PEBP4: variants seen among roughly 807,000 people sequenced by gnomAD.
PEBP4 encodes phosphatidylethanolamine binding protein 4, also known as phosphatidylethanolamine-binding protein 4.
PEBP4 carries 22 observed loss-of-function variants against 23.9 expected under a neutral mutation model. The ratio of observed to expected loss-of-function variants is 0.92; its 90% CI spans 0.66 to 1.31. PEBP4 has a LOEUF of 1.31. Ranked by LOEUF, PEBP4 falls within the 40% of genes most tolerant of loss-of-function variation. The pLI is 0.00. For missense variants in PEBP4, 324 were observed against 281.7 expected, an observed-to-expected ratio of 1.15 and a Z score of -1.07; for synonymous variants, 112 against 99.3, an observed-to-expected ratio of 1.13 and a Z score of -0.76.
At chr8:22,856,581 G>C (rs1402613792) in intron 3 of PEBP4, among the ~76,000 whole-genome samples, 1 of 152,174 alleles carries the variant, frequency 6.6e-6, no homozygotes, top group African/African-American at 2.4e-5. Flanking sequence ...GCCAGGCGTA[G>C]TGGTGCATGC....
rs148314012 is a variant in PEBP4 at position 22,758,994 on chromosome 8, C to T, written c.358-31774G>A. On this transcript the variant is annotated intron_variant, in intron 4 of 6. Coordinates refer to ENST00000256404, the MANE Select transcript of PEBP4 (RefSeq NM_144962.3). ...GGAAGCCAGGGGAGGGGAGGACCATCTGCAGGGAGGGGGCGAGGGTGGGAG... is the reference window on the plus strand; with the variant it reads ...GGAAGCCAGGGGAGGGGAGGACCATTTGCAGGGAGGGGGCGAGGGTGGGAG... Among the ~76,000 whole-genome samples, 764 of 150,078 alleles carry T rather than the reference C, an allele frequency of 5.1e-3. 10 individuals carry two copies. The highest frequency in any genetic ancestry group is 0.018 in the African/African-American group (737 of 40,874).
At chr8:22,912,144 T>C (rs1808951109) in intron 3 of PEBP4, among the ~76,000 whole-genome samples, 1 of 152,112 alleles carries the variant, frequency 6.6e-6, no homozygotes, top group African/African-American at 2.4e-5. Context: ...GGAGTGAAGA[T>C]TAAGACTGGG....
chr8:22,780,815 A>G (rs564476642), intron 4 of PEBP4, among the ~76,000 whole-genome samples: 41 of 152,284 alleles, frequency 2.7e-4, no homozygotes, highest in African/African-American at 8.7e-4. Context: ...AGGATGAGAA[A>G]GTCTCTAGGG....
At position 22,795,184 on chromosome 8, in the gene PEBP4, T is replaced by A. The variant is rs1318378563; in HGVS notation, c.357+22453A>T. Among the ~76,000 whole-genome samples, 240 of 109,778 alleles carry A rather than the reference T, an allele frequency of 2.2e-3. 7 individuals carry two copies. Among genetic ancestry groups the A allele is most frequent in the African/African-American group, 7.2e-3 (207 of 28,708 alleles). The allele number at this position is 109,778 out of a possible 152,430, so 72.0% of individuals were successfully genotyped here. A position where few individuals can be genotyped will look rare whatever the true frequency, so the allele number is the denominator to read the frequency against. On this transcript the variant is annotated intron_variant, in intron 4 of 6. Transcript: ENST00000256404. ...ATATATTTTTTTTTTTTTTTTTTTT[T>A]TTTTTTTTTGAGATGGAGTCTCGCT...
intron 3 of PEBP4, among the ~76,000 whole-genome samples, chr8:22,854,703 C>G (rs1012204111): frequency 1.3e-5 from 2 of 152,016 alleles, no homozygotes; most frequent in African/African-American, 2.4e-5. Context: ...TGTGCATTGA[C>G]GTAATTACCA....
At chr8:22,771,147 C>G (rs1349213134) in intron 4 of PEBP4, among the ~76,000 whole-genome samples, 1 of 152,158 alleles carries the variant, frequency 6.6e-6, no homozygotes. Context: ...TGATAAATAC[C>G]TGCAGGTTAG....
intron 3 of PEBP4, among the ~76,000 whole-genome samples, chr8:22,905,834 C>T (rs139240367): frequency 3.9e-3 from 591 of 152,288 alleles, no homozygotes; most frequent in African/African-American, 8.4e-3. Flanking sequence ...AGCTGTTCCA[C>T]GATAACATAC....
chr8:22,728,763 A>G (rs189406456), intron 4 of PEBP4, among the ~76,000 whole-genome samples: 1 of 151,920 alleles, frequency 6.6e-6, no homozygotes, highest in African/African-American at 2.4e-5. Context: ...ACGCCTGGCT[A>G]ATTTTTGTAT....
chr8:22,822,357 G>GTGTA (rs1806878175), intron 3 of PEBP4, among the ~76,000 whole-genome samples: 1 of 147,842 alleles, frequency 6.8e-6, no homozygotes, highest in Non-Finnish European at 1.5e-5. Flanking sequence ...ATACTAAAGT[G>GTGTA]TGTGTGTGTG....
chr8:22,902,473 G>A (rs191147221), intron 3 of PEBP4, among the ~76,000 whole-genome samples: 284 of 150,710 alleles, frequency 1.9e-3, no homozygotes, highest in Non-Finnish European at 3.3e-3. Context: ...TGCTCTGAAT[G>A]TGTCCATGAG....
At chr8:22,776,492 C>T (rs1383261087) in intron 4 of PEBP4, among the ~76,000 whole-genome samples, 3 of 151,938 alleles carry the variant, frequency 2.0e-5, no homozygotes, top group African/African-American at 4.8e-5. Context: ...GTTACGCCAT[C>T]GGTCTTGCTC....
intron 3 of PEBP4, among the ~76,000 whole-genome samples, chr8:22,825,905 T>C (rs1806957241): frequency 6.6e-6 from 1 of 152,226 alleles, no homozygotes; most frequent in Admixed American, 6.5e-5. Context: ...ACCTTGAGGT[T>C]ATTATGCTAA....
At chr8:22,751,145 G>A (rs981329985) in intron 4 of PEBP4, among the ~76,000 whole-genome samples, 3 of 152,186 alleles carry the variant, frequency 2.0e-5, no homozygotes, top group African/African-American at 7.2e-5. Context: ...CAGGGAATCC[G>A]TGCTGCAGGA....
chr8:22,864,993 G>C (rs1018387989), intron 3 of PEBP4, among the ~76,000 whole-genome samples: 1 of 152,194 alleles, frequency 6.6e-6, no homozygotes, highest in Non-Finnish European at 1.5e-5. Context: ...GGGGCGGGCA[G>C]CACGAGGGGG....
chr8:22,784,533 C>T (rs1215756364), intron 4 of PEBP4, among the ~76,000 whole-genome samples: 1 of 152,238 alleles, frequency 6.6e-6, no homozygotes, highest in Admixed American at 6.5e-5. Context: ...CTGTAGCCAA[C>T]CTCCCGACCT....
intron 3 of PEBP4, among the ~76,000 whole-genome samples, chr8:22,847,510 C>T (rs1307590455): frequency 6.6e-6 from 1 of 152,152 alleles, no homozygotes; most frequent in Non-Finnish European, 1.5e-5. Flanking sequence ...CTGGTTTTAT[C>T]CCTAACTAGC....
chr8:22,850,132 G>A (rs928718659), intron 3 of PEBP4, among the ~76,000 whole-genome samples: 25 of 151,880 alleles, frequency 1.6e-4, no homozygotes, highest in Middle Eastern at 3.4e-3. Flanking sequence ...AAAAAAATCC[G>A]TGGCTTAGAA....
intron 4 of PEBP4, among the ~76,000 whole-genome samples, chr8:22,795,407 C>T (rs1014293304): frequency 2.0e-5 from 3 of 151,766 alleles, no homozygotes; most frequent in African/African-American, 7.2e-5. Flanking sequence ...GATCTCCTGA[C>T]CTTGTGATCC....
chr8:22,899,922 C>G (rs998925879), intron 3 of PEBP4, among the ~76,000 whole-genome samples: 1 of 152,042 alleles, frequency 6.6e-6, no homozygotes, highest in Non-Finnish European at 1.5e-5. Context: ...CCTTCTCACC[C>G]GCAGTCAAGG....
Sources: gnomAD v4.1 joint callset for allele counts (sites outside exome capture counted in the v4.1 genomes callset) on GRCh38, gnomAD v4.1.1 for gene constraint, MANE v1.5 for transcripts, NCBI Gene and HGNC (gene_info 2026-07-23, HGNC 2026-07-21) for gene names.